Variants in ZEB1 observed in about 807,000 individuals in gnomAD.
ZEB1 encodes the protein zinc finger E-box-binding homeobox 1.
In ZEB1, 21 loss-of-function variants were observed where a neutral mutation model predicts 84.9. The observed-to-expected ratio is 0.25, with a 90% CI of 0.18 to 0.36. The LOEUF (loss-of-function observed/expected upper bound fraction) is 0.36, where lower values mean the gene tolerates loss of function less well. Ranked by LOEUF, ZEB1 falls within the 10% of genes least tolerant of loss-of-function variation. The pLI is 1.00. For missense variants in ZEB1, 1,104 were observed against 1,330.2 expected, an observed-to-expected ratio of 0.83 and a Z score of 2.65; for synonymous variants, 420 against 471.1, an observed-to-expected ratio of 0.89 and a Z score of 1.41.
rs77970907 is a variant in ZEB1 at position 31,405,670 on chromosome 10, C to T, written c.59-55367C>T. 6.4e-3 allele frequency among the ~76,000 whole-genome samples: 960 copies of T among 151,076 alleles called. 8 individuals are homozygous for T. The highest frequency in any genetic ancestry group is 0.022 in the African/African-American group (909 of 41,246). ...TTATTTGATAGCTATCTAATACGCA[C>T]CTGTTTAAAGTGGAACGTGTTTCTA... On this transcript the variant is annotated intron_variant, in intron 1 of 8. Coordinates refer to ENST00000424869, the MANE Select transcript of ZEB1 (RefSeq NM_001174096.2).
intron 1 of ZEB1, among the ~76,000 whole-genome samples, chr10:31,382,457 TATC>T (rs1449113318): frequency 1.3e-5 from 2 of 152,174 alleles, no homozygotes; most frequent in Non-Finnish European, 2.9e-5. Flanking sequence ...TCCCATCTGT[TATC>T]ATATACAGTA....
At position 31,527,525 on chromosome 10, in the gene ZEB1, T is replaced by A; in HGVS notation, c.*261T>A. 1 of 484,546 alleles carries A rather than the reference T, an allele frequency of 2.1e-6. No homozygotes were observed. The highest frequency in any genetic ancestry group is 1.9e-5 in the African/African-American group (1 of 51,730). 30.0% of individuals were successfully genotyped at this position (484,546 alleles called of 1,614,324 possible). ...GCAGTTTTCAAAGTTAGGAACAAGT[T>A]TGTAACATGCAGCAGATTAGAAAAC... On this transcript the variant is annotated 3_prime_UTR_variant, in exon 9 of 9. Coordinates refer to ENST00000424869, the MANE Select transcript of ZEB1 (RefSeq NM_001174096.2).
chr10:31,328,772 T>C (rs995743966), intron 1 of ZEB1, among the ~76,000 whole-genome samples: 2 of 152,108 alleles, frequency 1.3e-5, no homozygotes, highest in Admixed American at 1.3e-4. Flanking sequence ...GACATGAACT[T>C]CAAGGATAAT....
chr10:31,408,927 G>T (rs2053674336), intron 1 of ZEB1, among the ~76,000 whole-genome samples: 1 of 150,088 alleles, frequency 6.7e-6, no homozygotes. Flanking sequence ...CTTCTGCACA[G>T]CAAAAGAAAC....
intron 1 of ZEB1, among the ~76,000 whole-genome samples, chr10:31,370,397 T>C (rs1485759676): frequency 6.6e-6 from 1 of 152,090 alleles, no homozygotes; most frequent in Non-Finnish European, 1.5e-5. Context: ...GATCACGAGG[T>C]CAGGAGATCG....
intron 4 of ZEB1, among the ~76,000 whole-genome samples, chr10:31,504,307 C>A (rs1305698906): frequency 1.8e-5 from 1 of 55,680 alleles, no homozygotes; most frequent in Non-Finnish European, 1.1e-4. Flanking sequence ...TTCTCTTCCA[C>A]TGGTCTGTGT....
chr10:31,409,915 A>T (rs976198673), intron 1 of ZEB1, among the ~76,000 whole-genome samples: 1 of 152,212 alleles, frequency 6.6e-6, no homozygotes, highest in Non-Finnish European at 1.5e-5. Context: ...TGGGGCTGAG[A>T]CAATGAGGTT....
chr10:31,376,973 A>G (rs1289965702), intron 1 of ZEB1, among the ~76,000 whole-genome samples: 1 of 151,204 alleles, frequency 6.6e-6, no homozygotes, highest in Non-Finnish European at 1.5e-5. Context: ...CTGCTAAACA[A>G]AAAAAAAGTC....
chr10:31,418,616 G>C lies in ZEB1; in HGVS notation c.59-42421G>C, dbSNP rs956090072. ...TGTGCGTTTTGGTGGGGTGGTAGAA[G>C]TGTTAGTTTCCTTGGTTGCTTGCTT... On this transcript the variant is annotated intron_variant, in intron 1 of 8. Transcript: ENST00000424869. Among the ~76,000 whole-genome samples the C allele has an allele frequency of 3.3e-5, 5 of 152,074 alleles. No individual in the cohort carries two copies. The South Asian group carries it at 1.0e-3, about 32-fold the overall frequency.
intron 1 of ZEB1, among the ~76,000 whole-genome samples, chr10:31,413,303 T>G (rs1176769476): frequency 1.3e-5 from 2 of 152,132 alleles, no homozygotes; most frequent in Non-Finnish European, 2.9e-5. Flanking sequence ...GCTTCTTAGG[T>G]AATAAGCCCT....
chr10:31,420,042 T>C (rs1452441680), intron 1 of ZEB1, among the ~76,000 whole-genome samples: 1 of 152,110 alleles, frequency 6.6e-6, no homozygotes, highest in Admixed American at 6.6e-5. Context: ...CTCCTCTTTG[T>C]TCTAATGTAT....
chr10:31,400,156 T>A (rs2051676080), intron 1 of ZEB1, among the ~76,000 whole-genome samples: 2 of 152,318 alleles, frequency 1.3e-5, no homozygotes, highest in Admixed American at 6.5e-5. Flanking sequence ...TTTCATTTAT[T>A]TTTTGCCTTC....
At chr10:31,519,954 A>G (rs1336237680) in intron 6 of ZEB1, among the ~76,000 whole-genome samples, 172 bp from the exon 7 acceptor site, 1 of 152,226 alleles carries the variant, frequency 6.6e-6, no homozygotes, top group African/African-American at 2.4e-5. Flanking sequence ...AGCGTTCATC[A>G]CATCTATGTA....
At chr10:31,469,277 T>G (rs1470292105) in intron 2 of ZEB1, among the ~76,000 whole-genome samples, 1 of 152,072 alleles carries the variant, frequency 6.6e-6, no homozygotes, top group Non-Finnish European at 1.5e-5. Flanking sequence ...AGACGGGTGA[T>G]TTCTGCATTT....
intron 4 of ZEB1, among the ~76,000 whole-genome samples, chr10:31,509,884 C>T (rs755629380): frequency 1.3e-5 from 2 of 152,062 alleles, no homozygotes; most frequent in Non-Finnish European, 2.9e-5. Context: ...TTAGACAGCT[C>T]CAAGTGTAAA....
intron 1 of ZEB1, among the ~76,000 whole-genome samples, chr10:31,398,253 A>G (rs2051197691): frequency 6.6e-6 from 1 of 152,288 alleles, no homozygotes; most frequent in African/African-American, 2.4e-5. Flanking sequence ...CTTAAAAATT[A>G]TACTATTCAT....
rs1480348715 is a variant in ZEB1, at chr10:31,523,914, C to G, written c.2605-19C>G. On this transcript the variant is annotated intron_variant, in intron 7 of 8. Transcript: ENST00000424869. Reference sequence around the variant, plus strand: ...CTTTTAATGTTAAATTACATTTTCTCACACCTTTCTCCCTCTAGGATGAAA... The same window carrying G: ...CTTTTAATGTTAAATTACATTTTCTGACACCTTTCTCCCTCTAGGATGAAA... 2 of 1,612,674 alleles carry G rather than the reference C, an allele frequency of 1.2e-6. No homozygotes were observed.
chr10:31,351,599 T>C (rs1001936229), intron 1 of ZEB1, among the ~76,000 whole-genome samples: 1 of 152,190 alleles, frequency 6.6e-6, no homozygotes, highest in Non-Finnish European at 1.5e-5. Context: ...AGAGACTCTT[T>C]TATTGGGTCA....
chr10:31,527,392 TAAAA>T lies in ZEB1; in HGVS notation c.*132_*135del, dbSNP rs1232335287. The T allele has an allele frequency of 3.6e-6, 4 of 1,111,240 alleles. No individual in the cohort carries two copies. Among genetic ancestry groups the T allele is most frequent in the African/African-American group, 3.3e-5 (2 of 61,442 alleles). 68.8% of individuals were successfully genotyped at this position (1,111,240 alleles called of 1,614,324 possible). A position where few individuals can be genotyped will look rare whatever the true frequency, so the allele number is the denominator to read the frequency against. On this transcript the variant is annotated 3_prime_UTR_variant, in exon 9 of 9. Transcript: ENST00000424869. Reference sequence around the variant, plus strand: ...GTTCACTACTGTGTAAAGTAAAAACTAAAAAAATACAAAATACAAAACACACACA... The same window carrying T: ...GTTCACTACTGTGTAAAGTAAAAACTAAATACAAAATACAAAACACACACA...
Sources: gnomAD v4.1 joint callset for allele counts (sites outside exome capture counted in the v4.1 genomes callset) on GRCh38, gnomAD v4.1.1 for gene constraint, MANE v1.5 for transcripts, NCBI Gene and HGNC (gene_info 2026-07-23, HGNC 2026-07-21) for gene names.